TUSC3: variants seen among roughly 807,000 people sequenced by gnomAD.
TUSC3 encodes the protein tumor suppressor candidate 3, also known as dolichyl-diphosphooligosaccharide--protein glycosyltransferase subunit TUSC3.
In TUSC3, 45 loss-of-function variants were observed where a neutral mutation model predicts 44.8. That is an observed-to-expected ratio of 1.00 (90% CI 0.79 to 1.29). The LOEUF (loss-of-function observed/expected upper bound fraction) is 1.29, where lower values mean the gene tolerates loss of function less well. TUSC3 is among the 50% of genes most tolerant of loss of function. The pLI is 0.00. For missense variants in TUSC3, 519 were observed against 437.9 expected (o/e 1.19, Z -1.65); for synonymous variants, 212 against 152.9 (o/e 1.39, Z -2.85).
At chr8:15,527,203 G>A (rs1375493970) in intron 2 of TUSC3, among the ~76,000 whole-genome samples, 1 of 152,028 alleles carries the variant, frequency 6.6e-6, no homozygotes, top group African/African-American at 2.4e-5. Flanking sequence ...TTTTCTATGT[G>A]CAGCTTGAAT....
chr8:15,450,469 A>C (rs1800182754), intron 1 of TUSC3, among the ~76,000 whole-genome samples: 1 of 152,170 alleles, frequency 6.6e-6, no homozygotes, highest in African/African-American at 2.4e-5. Flanking sequence ...GCAGATCACA[A>C]GGTCAGGAGT....
chr8:15,737,817 A>G (rs1811001824), intron 7 of TUSC3, among the ~76,000 whole-genome samples: 1 of 152,164 alleles, frequency 6.6e-6, no homozygotes, highest in South Asian at 2.1e-4. Flanking sequence ...AATGCCACGT[A>G]AGAACAGTGA....
intron 2 of TUSC3, among the ~76,000 whole-genome samples, chr8:15,626,726 T>C (rs1805525903): frequency 6.6e-6 from 1 of 152,176 alleles, no homozygotes; most frequent in Admixed American, 6.5e-5. Flanking sequence ...TGTTGGAGCT[T>C]GGCCAGGTGT....
intron 2 of TUSC3, among the ~76,000 whole-genome samples, chr8:15,526,462 C>T (rs1385954917): frequency 6.6e-6 from 1 of 152,160 alleles, no homozygotes; most frequent in African/African-American, 2.4e-5. Context: ...TCCAACAATT[C>T]CCACACATTG....
At chr8:15,441,731 CA>C (rs1317965985) in intron 1 of TUSC3, among the ~76,000 whole-genome samples, 2 of 151,756 alleles carry the variant, frequency 1.3e-5, no homozygotes, top group Non-Finnish European at 3.0e-5. Flanking sequence ...TTACAGAGAA[CA>C]GGGGGTATGT....
chr8:15,514,252 TTA>T (rs1801180627), intron 2 of TUSC3, among the ~76,000 whole-genome samples: 1 of 152,186 alleles, frequency 6.6e-6, no homozygotes, highest in South Asian at 2.1e-4. Context: ...GAAAGCATCA[TTA>T]GGTCTAAGCT....
the TUSC3 span, among the ~76,000 whole-genome samples, chr8:15,798,811 C>T: frequency 6.6e-6 from 1 of 152,156 alleles, no homozygotes; most frequent in Non-Finnish European, 1.5e-5. Flanking sequence ...TGTGGGACAC[C>T]TGCAACTCTA....
intron 1 of TUSC3, among the ~76,000 whole-genome samples, chr8:15,599,326 C>G (rs1012210635): frequency 1.3e-5 from 2 of 151,612 alleles, no homozygotes; most frequent in Non-Finnish European, 3.0e-5. Flanking sequence ...ATTTTTGTAA[C>G]AGTTCTTTAT....
chr8:15,489,806 G>A (rs1392603347), intron 2 of TUSC3, among the ~76,000 whole-genome samples: 1 of 152,112 alleles, frequency 6.6e-6, no homozygotes, highest in Non-Finnish European at 1.5e-5. Flanking sequence ...AGTTTTTCAG[G>A]TTTACTTTGG....
At chr8:15,553,120 C>T (rs751430672) in intron 1 of TUSC3, among the ~76,000 whole-genome samples, 18 of 151,576 alleles carry the variant, frequency 1.2e-4, no homozygotes, top group Non-Finnish European at 1.6e-4. Flanking sequence ...ATAACATGTT[C>T]GTGTTTGAGA....
intron 2 of TUSC3, among the ~76,000 whole-genome samples, chr8:15,649,078 T>G (rs1806767631): frequency 6.6e-6 from 1 of 152,204 alleles, no homozygotes; most frequent in Non-Finnish European, 1.5e-5. Flanking sequence ...TACAATATCT[T>G]TTCTGACAGA....
At chr8:15,822,441 G>C in the TUSC3 span, among the ~76,000 whole-genome samples, 21 of 152,272 alleles carry the variant, frequency 1.4e-4, no homozygotes, top group Middle Eastern at 0.01. Context: ...TGCAGTGTTT[G>C]TTAAAACTGA....
intron 2 of TUSC3, among the ~76,000 whole-genome samples, chr8:15,500,257 A>G (rs899139502): frequency 1.3e-5 from 2 of 152,166 alleles, no homozygotes; most frequent in African/African-American, 4.8e-5. Flanking sequence ...AAGAATCTTG[A>G]CAGAAGTTAG....
chr8:15,623,692 G>A (rs1180434267), intron 2 of TUSC3, among the ~76,000 whole-genome samples: 1 of 151,920 alleles, frequency 6.6e-6, no homozygotes, highest in African/African-American at 2.4e-5. Context: ...TGAATGAAAT[G>A]TTTGTCTGGA....
At chr8:15,761,660 A>T (rs1287300770) in intron 10 of TUSC3, among the ~76,000 whole-genome samples, 1 of 152,206 alleles carries the variant, frequency 6.6e-6, no homozygotes, top group Non-Finnish European at 1.5e-5. Context: ...CTGAGCGTGG[A>T]GCAGAGTCCA....
At chr8:15,696,294 C>T (rs181746736) in intron 6 of TUSC3, among the ~76,000 whole-genome samples, 2 of 152,136 alleles carry the variant, frequency 1.3e-5, no homozygotes, top group Non-Finnish European at 2.9e-5. Flanking sequence ...GATGTGGATT[C>T]CGAGGGCACA....
At chr8:15,803,700 T>A in the TUSC3 span, among the ~76,000 whole-genome samples, 1 of 152,106 alleles carries the variant, frequency 6.6e-6, no homozygotes, top group Non-Finnish European at 1.5e-5. Context: ...GTTCTAATGC[T>A]CTCCTCCTCT....
intron 1 of TUSC3, among the ~76,000 whole-genome samples, chr8:15,443,942 A>G (rs1800057622): frequency 6.6e-6 from 1 of 151,726 alleles, no homozygotes. Context: ...ACCAATCAGC[A>G]CTCCTGGCTC....
At chr8:15,451,188 A>G (rs1800193773) in intron 1 of TUSC3, among the ~76,000 whole-genome samples, 1 of 152,118 alleles carries the variant, frequency 6.6e-6, no homozygotes. Context: ...TATATGTCTT[A>G]TTTCTTGTAT....
Sources: gnomAD v4.1 joint callset for allele counts (sites outside exome capture counted in the v4.1 genomes callset) on GRCh38, gnomAD v4.1.1 for gene constraint, MANE v1.5 for transcripts, NCBI Gene and HGNC (gene_info 2026-07-23, HGNC 2026-07-21) for gene names.